Variants in COX15 observed in about 807,000 individuals in gnomAD.
COX15 encodes the protein heme A synthase COX15.
Under a neutral mutation model 51.9 loss-of-function variants are expected in COX15, and 51 were observed. The observed-to-expected ratio is 0.98, with a 90% CI of 0.78 to 1.24. The LOEUF (loss-of-function observed/expected upper bound fraction) is 1.24. Among genes scored for constraint, COX15 ranks in the 50% most tolerant of loss-of-function variants. The probability of loss-of-function intolerance (pLI) is 0.00; values close to 1 mark genes in which losing one functional copy is unlikely to be tolerated. For synonymous variants in COX15, 188 were observed against 190.5 expected, an observed-to-expected ratio of 0.99 and a Z score of 0.11; for missense variants, 420 against 501.1, an observed-to-expected ratio of 0.84 and a Z score of 1.55.
chr10:99,709,732 C>T (rs778159694), downstream of COX15: 208 of 985,242 alleles, frequency 2.1e-4, no homozygotes, highest in Non-Finnish European at 2.5e-4. Flanking sequence ...TTTAAGCCTG[C>T]TCTGTCTACT....
At position 99,732,067 on chromosome 10, in the gene COX15, G is replaced by C; in HGVS notation, c.-18C>G. 2 of 1,609,622 alleles carry C rather than the reference G, an allele frequency of 1.2e-6. No homozygotes were observed. The highest frequency in any genetic ancestry group is 1.7e-6 in the Non-Finnish European group (2 of 1,178,066). ...CGCTGCATACTGATGACAGGGAACA[G>C]CCACCTCTTCCACAACCCAGGGCTC... On this transcript the variant is annotated 5_prime_UTR_variant, in exon 1 of 9. Coordinates refer to ENST00000016171, the MANE Select transcript of COX15 (RefSeq NM_078470.6).
At chr10:99,698,501 T>A in the COX15 span, 1 of 1,559,892 alleles carries the variant, frequency 6.4e-7, no homozygotes, top group Non-Finnish European at 8.8e-7. Context: ...CATGACGTGT[T>A]TGTTTGTTTG....
chr10:99,721,360 C>T (rs999536895), intron 5 of COX15, among the ~76,000 whole-genome samples: 5 of 152,180 alleles, frequency 3.3e-5, no homozygotes, highest in Admixed American at 2.0e-4. Context: ...GTACTCATTA[C>T]GCATCTGTTC....
At chr10:99,709,597 T>C (rs76530337), downstream of COX15, 24,206 of 985,306 alleles carry the variant, frequency 0.025, 291 homozygotes, top group Non-Finnish European at 0.027. Flanking sequence ...AATTGAAAAC[T>C]TTTAGGTTGT....
chr10:99,710,933 C>A lies in COX15; in HGVS notation c.*3654G>T. 1.0e-6 allele frequency: 1 copy of A among 985,266 alleles called. No homozygotes were observed. Among genetic ancestry groups the A allele is most frequent in the Non-Finnish European group, 1.2e-6 (1 of 829,852 alleles). The allele number at this position is 985,266 out of a possible 1,614,324, so 61.0% of individuals were successfully genotyped here. ...AACAATGGACGTAAGTGCAGAGAGA[C>A]CTTTGAAAATATTAAGGGAAATCTA... On this transcript the variant is annotated 3_prime_UTR_variant, in exon 9 of 9. Transcript: ENST00000016171.
the COX15 span, among the ~76,000 whole-genome samples, chr10:99,695,639 T>C: frequency 6.6e-6 from 1 of 152,200 alleles, no homozygotes; most frequent in Admixed American, 6.5e-5. Context: ...ACATTCCCAT[T>C]GAGGGAATTG....
chr10:99,728,557 T>C (rs1436052574), intron 2 of COX15, among the ~76,000 whole-genome samples: 1 of 152,180 alleles, frequency 6.6e-6, no homozygotes, highest in Non-Finnish European at 1.5e-5. Flanking sequence ...ATATTATAAT[T>C]TTGCTACGCT....
chr10:99,711,187 A>G lies in COX15; in HGVS notation c.*3400T>C. Reference sequence around the variant, plus strand: ...TAAATGCAACCAGTTGTTTTTCCAAATGTACTCATCATCTGTAATAAAAGA... The same window carrying G: ...TAAATGCAACCAGTTGTTTTTCCAAGTGTACTCATCATCTGTAATAAAAGA... On this transcript the variant is annotated 3_prime_UTR_variant, in exon 9 of 9. Transcript: ENST00000016171. The G allele has an allele frequency of 1.0e-6, 1 of 985,418 alleles. No individual in the cohort carries two copies. Among genetic ancestry groups the G allele is most frequent in the Non-Finnish European group, 1.2e-6 (1 of 829,890 alleles). The allele number at this position is 985,418 out of a possible 1,614,324, so 61.0% of individuals were successfully genotyped here.
chr10:99,724,791 A>G (rs571433979), intron 4 of COX15, among the ~76,000 whole-genome samples: 2 of 152,276 alleles, frequency 1.3e-5, no homozygotes, highest in Admixed American at 6.5e-5. Flanking sequence ...AATGTTTTGG[A>G]GAAACTTAAT....
chr10:99,707,324 C>A (rs1330257966), downstream of COX15, among the ~76,000 whole-genome samples: 1 of 152,090 alleles, frequency 6.6e-6, no homozygotes, highest in African/African-American at 2.4e-5. Context: ...TTGGTATGGG[C>A]TCCTTTGTTT....
chr10:99,703,323 C>T, the COX15 span, among the ~76,000 whole-genome samples: 153 of 152,248 alleles, frequency 1.0e-3, no homozygotes, highest in African/African-American at 3.4e-3. Flanking sequence ...AACTCAATAC[C>T]GTCAGCAGCC....
At chr10:99,700,799 C>T in the COX15 span, 25 of 657,920 alleles carry the variant, frequency 3.8e-5, no homozygotes, top group African/African-American at 5.4e-5. Context: ...CATGGGATGA[C>T]GGGAATAAAC....
At chr10:99,703,152 C>T in the COX15 span, among the ~76,000 whole-genome samples, 2 of 152,174 alleles carry the variant, frequency 1.3e-5, no homozygotes, top group African/African-American at 4.8e-5. Flanking sequence ...GAATAAAGGA[C>T]GTGAGATGTT....
chr10:99,719,966 T>C (rs543563787), intron 6 of COX15, among the ~76,000 whole-genome samples: 38 of 152,366 alleles, frequency 2.5e-4, no homozygotes, highest in Admixed American at 5.2e-4. Flanking sequence ...CCAACCAATA[T>C]ACTAGCCCCT....
In COX15 at chr10:99,718,862, C is replaced by G. The variant is rs148248931; in HGVS notation, c.833-362G>C. On this transcript the variant is annotated intron_variant, in intron 6 of 8. Coordinates refer to ENST00000016171, the MANE Select transcript of COX15 (RefSeq NM_078470.6). Reference sequence around the variant, plus strand: ...GCTACTGATTTATTTTAGAAATGCTCTCCCACAGATGTCTGCATGACTGAC... The same window carrying G: ...GCTACTGATTTATTTTAGAAATGCTGTCCCACAGATGTCTGCATGACTGAC... 4.2e-4 allele frequency among the ~76,000 whole-genome samples: 64 copies of G among 152,298 alleles called. No individual in the cohort carries two copies. In the East Asian group the frequency reaches 6.9e-3, roughly 17 times the overall value.
the COX15 span, chr10:99,698,485 T>C: frequency 1.3e-4 from 199 of 1,554,338 alleles, no homozygotes; most frequent in Admixed American, 1.4e-4. Flanking sequence ...CTAGGTTGAA[T>C]ACAGGCATGA....
chr10:99,699,500 AT>A, the COX15 span, among the ~76,000 whole-genome samples: 1 of 152,200 alleles, frequency 6.6e-6, no homozygotes, highest in Non-Finnish European at 1.5e-5. Context: ...ATTTAGGGCC[AT>A]CTCTTTGAAT....
At chr10:99,718,880 T>A (rs1005806810) in intron 6 of COX15, among the ~76,000 whole-genome samples, 3 of 152,214 alleles carry the variant, frequency 2.0e-5, no homozygotes, top group African/African-American at 7.2e-5. Context: ...GATGTCTGCA[T>A]GACTGACTCC....
intron 3 of COX15, 25 bp downstream of exon 3, chr10:99,727,404 CTACTGGGATGTT>C (rs1262975589): frequency 1.2e-6 from 2 of 1,609,588 alleles, no homozygotes; most frequent in East Asian, 4.5e-5. Flanking sequence ...TCAAATGGGC[CTACTGGGATGTT>C]TACCTAATTT....
Sources: allele counts gnomAD v4.1 joint callset (sites outside exome capture counted in the v4.1 genomes callset), GRCh38; gene constraint gnomAD v4.1.1; transcripts MANE v1.5; gene names NCBI Gene and HGNC (gene_info 2026-07-23, HGNC 2026-07-21).